PARD3B: variants seen among roughly 807,000 people sequenced by gnomAD.
The protein encoded by PARD3B is par-3 family cell polarity regulator beta.
In PARD3B, 103 loss-of-function variants were observed where a neutral mutation model predicts 130.2. The ratio of observed to expected loss-of-function variants is 0.79; its 90% CI spans 0.67 to 0.93. The LOEUF (loss-of-function observed/expected upper bound fraction) is 0.93. PARD3B is among the 40% of genes least tolerant of loss of function. The pLI is 0.00. For synonymous variants in PARD3B, 583 were observed against 553.2 expected (o/e 1.05, Z -0.76); for missense variants, 1,609 against 1,499.2 (o/e 1.07, Z -1.21).
At chr2:205,428,737 T>C (rs547351651) in intron 19 of PARD3B, among the ~76,000 whole-genome samples, 26 of 152,288 alleles carry the variant, frequency 1.7e-4, no homozygotes, top group African/African-American at 6.0e-4. Context: ...ATTTTAAAAG[T>C]AAAAATTCTG....
intron 2 of PARD3B, among the ~76,000 whole-genome samples, chr2:204,849,992 G>T (rs188268167): frequency 6.6e-6 from 1 of 152,124 alleles, no homozygotes; most frequent in African/African-American, 2.4e-5. Context: ...AAGCGTTAAC[G>T]TATTAGATAT....
At chr2:205,165,589 G>T (rs774824431) in intron 11 of PARD3B, among the ~76,000 whole-genome samples, 1 of 151,752 alleles carries the variant, frequency 6.6e-6, no homozygotes, top group Non-Finnish European at 1.5e-5. Flanking sequence ...ATGATGGTAC[G>T]CACCTGTAAT....
chr2:204,780,103 T>C (rs1301778149), intron 2 of PARD3B, among the ~76,000 whole-genome samples: 2 of 152,228 alleles, frequency 1.3e-5, no homozygotes, highest in Non-Finnish European at 2.9e-5. Context: ...TTTGCAAACC[T>C]GCATTTTAAA....
At chr2:204,626,336 T>G (rs1467538653) in intron 1 of PARD3B, among the ~76,000 whole-genome samples, 1 of 152,192 alleles carries the variant, frequency 6.6e-6, no homozygotes, top group Non-Finnish European at 1.5e-5. Flanking sequence ...CAGCTATGAA[T>G]TCCTTGCCTT....
At chr2:204,787,358 C>T (rs1252513894) in intron 2 of PARD3B, among the ~76,000 whole-genome samples, 2 of 152,108 alleles carry the variant, frequency 1.3e-5, no homozygotes, top group African/African-American at 2.4e-5. Context: ...CTGCTTGCTA[C>T]ATATCATCAG....
chr2:205,449,204 GC>G (rs1343844494), intron 20 of PARD3B, among the ~76,000 whole-genome samples: 57 of 146,558 alleles, frequency 3.9e-4, no homozygotes, highest in Middle Eastern at 6.8e-3. Flanking sequence ...GAAACTATTT[GC>G]TCTTGATGAA....
chr2:205,300,461 T>A lies in PARD3B; in HGVS notation c.2186-69T>A, dbSNP rs11690400. 59,415 of 1,403,830 alleles carry A rather than the reference T, an allele frequency of 0.042. 1,858 individuals carry two copies. The highest frequency in any genetic ancestry group is 0.16 in the African/African-American group (11,338 of 70,230). The allele number at this position is 1,403,830 out of a possible 1,614,324, so 87.0% of individuals were successfully genotyped here. ...TTGGGATGTCCAGACAGAAATATTC[T>A]TAGAACAATAGCATTACACCACACT... is the stretch of plus-strand genomic sequence containing the variant. On this transcript the variant is annotated intron_variant, in intron 16 of 22. Transcript: ENST00000406610. The surrounding 1 kb of genome is among the most constrained non-coding windows in gnomAD (Gnocchi z 4.1).
At chr2:205,217,890 A>ATTTT (rs1278697689) in intron 15 of PARD3B, among the ~76,000 whole-genome samples, 591 of 41,958 alleles carry the variant, frequency 0.014, 51 homozygotes, top group East Asian at 0.049. Flanking sequence ...ATATATATAT[A>ATTTT]TATATTTTTT....
intron 2 of PARD3B, among the ~76,000 whole-genome samples, chr2:204,881,092 ATAGT>A: frequency 6.6e-6 from 1 of 152,356 alleles, no homozygotes; most frequent in Admixed American, 6.5e-5. Flanking sequence ...TGTTTACCTC[ATAGT>A]TAAGTAGAGG....
intron 20 of PARD3B, among the ~76,000 whole-genome samples, chr2:205,441,327 A>G (rs1417475985): frequency 1.3e-5 from 2 of 152,246 alleles, no homozygotes; most frequent in Non-Finnish European, 2.9e-5. Flanking sequence ...CAATTGAAGT[A>G]GGTAGAAAAC....
At chr2:204,714,393 A>AT (rs1163647931) in intron 2 of PARD3B, among the ~76,000 whole-genome samples, 1 of 151,966 alleles carries the variant, frequency 6.6e-6, no homozygotes, top group Non-Finnish European at 1.5e-5. Context: ...TTCCTTGTTT[A>AT]TTTTTTCTGT....
Position 205,578,048 on chromosome 2 carries a change from T to C in PARD3B, c.3260+24645T>C, listed in dbSNP as rs539730875. On this transcript the variant is annotated intron_variant, in intron 22 of 22. Transcript: ENST00000406610. Reference sequence around the variant, plus strand: ...CCTCACTGGATTGGCTCTGTATCAGTGTGTATCCACTCTTTAGCTACTTGT... The same window carrying C: ...CCTCACTGGATTGGCTCTGTATCAGCGTGTATCCACTCTTTAGCTACTTGT... 1.7e-3 allele frequency among the ~76,000 whole-genome samples: 262 copies of C among 152,342 alleles called. 3 individuals carry two copies. The highest frequency in any genetic ancestry group is 6.1e-3 in the African/African-American group (253 of 41,578).
intron 3 of PARD3B, among the ~76,000 whole-genome samples, chr2:204,994,447 G>C (rs1471691250): frequency 7.9e-6 from 1 of 126,348 alleles, no homozygotes; most frequent in African/African-American, 3.0e-5. Flanking sequence ...CTGAGAGATA[G>C]TTTGTTATAA....
At chr2:204,986,963 CT>C (rs1313351132) in intron 3 of PARD3B, among the ~76,000 whole-genome samples, 10 of 152,112 alleles carry the variant, frequency 6.6e-5, no homozygotes, top group African/African-American at 1.9e-4. Flanking sequence ...GAAAATGTTT[CT>C]TTTAGGGAGA....
At chr2:205,186,235 A>C (rs1156267899) in intron 14 of PARD3B, among the ~76,000 whole-genome samples, 1 of 152,152 alleles carries the variant, frequency 6.6e-6, no homozygotes, top group Non-Finnish European at 1.5e-5. Context: ...TAATTGGCAA[A>C]CCCTAGAGGT....
chr2:205,531,584 C>T (rs1018779043), intron 21 of PARD3B, among the ~76,000 whole-genome samples: 1 of 152,080 alleles, frequency 6.6e-6, no homozygotes, highest in Non-Finnish European at 1.5e-5. Flanking sequence ...CTAAGCTAAT[C>T]AGCCTTGGTA....
In PARD3B at chr2:205,200,956, C is replaced by G. The variant is rs180811578; in HGVS notation, c.2140+7636C>G. On this transcript the variant is annotated intron_variant, in intron 15 of 22. Coordinates refer to ENST00000406610, the MANE Select transcript of PARD3B (RefSeq NM_001302769.2). ...TTAGCTGCTTGCCTGACACGGCCAT[C>G]CCCAGAGCTAGTTCTGTGTTTTCAG... 1.2e-4 allele frequency among the ~76,000 whole-genome samples: 18 copies of G among 152,296 alleles called. No homozygotes were observed. The East Asian group carries it at 3.3e-3, about 28-fold the overall frequency.
chr2:205,604,639 T>G lies in PARD3B; in HGVS notation c.3261-10817T>G, dbSNP rs181957948. On this transcript the variant is annotated intron_variant, in intron 22 of 22. Coordinates refer to ENST00000406610, the MANE Select transcript of PARD3B (RefSeq NM_001302769.2). Reference sequence around the variant, plus strand: ...CCCTTCTCTCTGGCTGCTCTTAACATTTTTTCCTTCATTTTGACTTTGGAG... The same window carrying G: ...CCCTTCTCTCTGGCTGCTCTTAACAGTTTTTCCTTCATTTTGACTTTGGAG... Among the ~76,000 whole-genome samples, 25 of 152,244 alleles carry G rather than the reference T, an allele frequency of 1.6e-4. No homozygotes were observed. The East Asian group carries it at 4.4e-3, about 27-fold the overall frequency.
chr2:204,763,536 A>G (rs1401433039), intron 2 of PARD3B, among the ~76,000 whole-genome samples: 2 of 152,226 alleles, frequency 1.3e-5, no homozygotes, highest in East Asian at 1.9e-4. Context: ...GGGAAAAATG[A>G]ATATTAAAAA....
Sources: allele counts gnomAD v4.1 joint callset (sites outside exome capture counted in the v4.1 genomes callset), GRCh38; gene constraint gnomAD v4.1.1; non-coding constraint Gnocchi (gnomAD v3.1); transcripts MANE v1.5; gene names NCBI Gene and HGNC (gene_info 2026-07-23, HGNC 2026-07-21).